The following GPC3 variants were observed in gnomAD, a reference collection of about 807,000 sequenced individuals.
GPC3 encodes glypican 3.
GPC3 carries 3 observed loss-of-function variants against 34.4 expected under a neutral mutation model. The ratio of observed to expected loss-of-function variants is 0.09; its 90% CI spans 0.04 to 0.23. The LOEUF (loss-of-function observed/expected upper bound fraction) is 0.23, where lower values mean the gene tolerates loss of function less well. Among genes scored for constraint, GPC3 ranks in the 10% least tolerant of loss-of-function variants. GPC3 has a pLI of 1.00. For missense variants in GPC3, 351 were observed against 445.6 expected (o/e 0.79, Z 1.91); for synonymous variants, 177 against 174.0 (o/e 1.02, Z -0.13).
chrX:133,971,806 T>C (rs2076495071), intron 1 of GPC3, among the ~76,000 whole-genome samples: 1 of 111,089 alleles, frequency 9.0e-6, no homozygotes, highest in Admixed American at 9.6e-5. Context: ...ACATCCGTTG[T>C]TCCCCTTAAC....
chrX:133,758,867 G>A (rs2071756676), intron 2 of GPC3, among the ~76,000 whole-genome samples: 1 of 110,672 alleles, frequency 9.0e-6, no homozygotes, highest in Non-Finnish European at 1.9e-5. Flanking sequence ...AAATCTCTCA[G>A]CAAACTAGAA....
chrX:133,586,168 A>G (rs1281497892), intron 7 of GPC3, among the ~76,000 whole-genome samples: 1 of 111,907 alleles, frequency 8.9e-6, no homozygotes, highest in East Asian at 2.8e-4. Flanking sequence ...GGAAGTTTTA[A>G]CCTTTGCTCA....
intron 2 of GPC3, among the ~76,000 whole-genome samples, chrX:133,799,056 C>T (rs932137305): frequency 5.4e-5 from 6 of 111,739 alleles, no homozygotes; most frequent in African/African-American, 1.3e-4. Flanking sequence ...AAGCACTGGG[C>T]GCTTCTGAGT....
intron 2 of GPC3, among the ~76,000 whole-genome samples, chrX:133,869,733 G>A (rs748421289): frequency 1.3e-4 from 14 of 111,763 alleles, no homozygotes; most frequent in South Asian, 3.7e-4. Flanking sequence ...ACATCACGAG[G>A]TCAGGAGATC....
At position 133,536,263 on chromosome X, in the gene GPC3, G is replaced by T. The variant is rs750138489; in HGVS notation, c.1604C>A (p.Ala535Glu). ...ELAYDLDVDDAPGNSQQATPK... is the reference protein window; with the variant it reads ...ELAYDLDVDDEPGNSQQATPK... ...AGTTGCCTGCTGACTGTTTCCAGGC[G>T]CATCATCCACATCCAGATCATAGGC... Residue 535 changes from alanine to glutamate, a missense_variant, in exon 8 of 8, where the codon GCG becomes GAG. By Grantham distance (107) the Ala-to-Glu change is moderately radical. Transcript: ENST00000370818. 1 of 1,201,655 alleles carries T rather than the reference G, an allele frequency of 8.3e-7. No individual in the cohort carries two copies. Among genetic ancestry groups the T allele is most frequent in the African/African-American group, 1.8e-5 (1 of 56,566 alleles).
At chrX:133,708,012 A>G (rs934308457) in intron 3 of GPC3, among the ~76,000 whole-genome samples, 1 of 111,962 alleles carries the variant, frequency 8.9e-6, no homozygotes, top group African/African-American at 3.2e-5. Flanking sequence ...AGAAAGAAAG[A>G]ATAGAAATAT....
At chrX:133,788,088 T>TTTTATATATATATC (rs1291090668) in intron 2 of GPC3, among the ~76,000 whole-genome samples, 1 of 64,945 alleles carries the variant, frequency 1.5e-5, no homozygotes. Flanking sequence ...TCATATTATT[T>TTTTATATATATATC]TATATATATA....
At chrX:133,945,437 A>T (rs1019179190) in intron 2 of GPC3, among the ~76,000 whole-genome samples, 1 of 110,682 alleles carries the variant, frequency 9.0e-6, no homozygotes, top group African/African-American at 3.3e-5. Context: ...TGAGAAAAAG[A>T]TGTGCACTGA....
chrX:133,699,853 T>C (rs1181651464), intron 4 of GPC3, 42 bp downstream of exon 4: 2 of 1,129,822 alleles, frequency 1.8e-6, no homozygotes, highest in Admixed American at 4.7e-5. Context: ...AAAATACAAT[T>C]GTTAATTGTA....
intron 7 of GPC3, among the ~76,000 whole-genome samples, chrX:133,578,996 C>G (rs2069711045): frequency 9.0e-6 from 1 of 111,203 alleles, no homozygotes; most frequent in African/African-American, 3.3e-5. Context: ...TGACCCCTAA[C>G]AAATCTTCCA....
At chrX:133,613,668 T>C (rs911107698) in intron 6 of GPC3, among the ~76,000 whole-genome samples, 4 of 112,173 alleles carry the variant, frequency 3.6e-5, no homozygotes, top group Admixed American at 1.9e-4. Flanking sequence ...CAAGCATCCA[T>C]GTTACTTCCT....
intron 2 of GPC3, among the ~76,000 whole-genome samples, chrX:133,877,238 T>C (rs1415403883): frequency 2.7e-5 from 3 of 111,600 alleles, no homozygotes; most frequent in African/African-American, 9.7e-5. Context: ...TAGAGGTAAA[T>C]TTATTTTAAG....
At chrX:133,917,335 G>C (rs1481050755) in intron 2 of GPC3, among the ~76,000 whole-genome samples, 1 of 112,010 alleles carries the variant, frequency 8.9e-6, no homozygotes, top group Non-Finnish European at 1.9e-5. Context: ...GCAAATGCCT[G>C]AGTGGCCCAC....
intron 2 of GPC3, among the ~76,000 whole-genome samples, chrX:133,763,929 C>T (rs1031092289): frequency 4.5e-5 from 5 of 111,258 alleles, no homozygotes; most frequent in African/African-American, 1.6e-4. Context: ...GGAATATACC[C>T]AAAGGAAAAT....
chrX:133,909,377 C>T, intron 2 of GPC3, among the ~76,000 whole-genome samples: 1 of 112,078 alleles, frequency 8.9e-6, no homozygotes, highest in Non-Finnish European at 1.9e-5. Context: ...CATGGTTGTT[C>T]TGATTCAGCC....
chrX:133,606,222 T>C (rs1484980373), intron 6 of GPC3, among the ~76,000 whole-genome samples: 2 of 112,067 alleles, frequency 1.8e-5, no homozygotes, highest in African/African-American at 6.5e-5. Flanking sequence ...AATGGTTCTC[T>C]GTAGTTCTAA....
chrX:133,756,957 G>A (rs1387317459), intron 2 of GPC3, among the ~76,000 whole-genome samples: 3 of 112,302 alleles, frequency 2.7e-5, no homozygotes, highest in African/African-American at 9.7e-5. Flanking sequence ...GCAACTTAAG[G>A]TTTCATGAAA....
chrX:133,671,040 G>A, intron 5 of GPC3: 4 of 555,277 alleles, frequency 7.2e-6, no homozygotes, highest in Non-Finnish European at 1.3e-5. Flanking sequence ...GAAACAAATG[G>A]TCATTGATGT....
At chrX:133,774,312 C>T (rs936844514) in intron 2 of GPC3, among the ~76,000 whole-genome samples, 2 of 111,623 alleles carry the variant, frequency 1.8e-5, no homozygotes, top group African/African-American at 6.5e-5. Context: ...TGATTGAACC[C>T]ACACTATCAA....
Sources: gnomAD v4.1 joint callset for allele counts (sites outside exome capture counted in the v4.1 genomes callset) on GRCh38, gnomAD v4.1.1 for gene constraint, MANE v1.5 for transcripts, NCBI Gene and HGNC (gene_info 2026-07-23, HGNC 2026-07-21) for gene names.